Variants in ADAMTSL1 observed in about 807,000 individuals in gnomAD.
ADAMTSL1 encodes the protein ADAMTS-like protein 1.
Under a neutral mutation model 201.8 loss-of-function variants are expected in ADAMTSL1, and 126 were observed. That is an observed-to-expected ratio of 0.62 (90% CI 0.54 to 0.72). ADAMTSL1 has a LOEUF of 0.72. ADAMTSL1 is among the 30% of genes least tolerant of loss of function. The pLI is 0.00. For synonymous variants in ADAMTSL1, 1,121 were observed against 903.4 expected (o/e 1.24, Z -4.32); for missense variants, 2,679 against 2,277.8 (o/e 1.18, Z -3.59).
chr9:18,723,240 T>C, intron 15 of ADAMTSL1: 1 of 636,488 alleles, frequency 1.6e-6, no homozygotes, highest in Non-Finnish European at 2.8e-6. Context: ...GCAGAAGCAT[T>C]AAACAGCTAC....
chr9:18,334,990 G>A (rs558518084), intron 2 of ADAMTSL1, among the ~76,000 whole-genome samples: 202 of 152,080 alleles, frequency 1.3e-3, no homozygotes, highest in African/African-American at 4.8e-3. Context: ...ATATAAACTT[G>A]AAGAATTATT....
In ADAMTSL1 at chr9:18,007,936, G is replaced by A. The variant is rs368235805; in HGVS notation, c.87+101014G>A. Among the ~76,000 whole-genome samples, 6 of 152,070 alleles carry A rather than the reference G, an allele frequency of 3.9e-5. No homozygotes were observed. In the East Asian group the frequency reaches 7.8e-4, roughly 20 times the overall value. On this transcript the variant is annotated intron_variant, in intron 1 of 29. Transcript: ENST00000680146. ...AACTTGCTCTTTCCATAATAATTTG[G>A]CCTCAGACCATCTGACACATAATCT...
chr9:18,691,983 G>A (rs1025400453), intron 13 of ADAMTSL1, among the ~76,000 whole-genome samples: 1 of 152,152 alleles, frequency 6.6e-6, no homozygotes, highest in Admixed American at 6.5e-5. Context: ...AGAAATTGAG[G>A]CAGCTGTTGT....
intron 2 of ADAMTSL1, among the ~76,000 whole-genome samples, chr9:18,339,709 G>A (rs1322727125): frequency 6.6e-6 from 1 of 151,884 alleles, no homozygotes; most frequent in Non-Finnish European, 1.5e-5. Flanking sequence ...CAAAGTGTTG[G>A]GATAACAGGT....
At chr9:18,579,491 A>G (rs895500637) in intron 4 of ADAMTSL1, among the ~76,000 whole-genome samples, 4 of 151,802 alleles carry the variant, frequency 2.6e-5, no homozygotes, top group Non-Finnish European at 5.9e-5. Context: ...AACTTAAAGT[A>G]TAATTAAAAA....
At chr9:18,688,028 T>C (rs190730585) in intron 13 of ADAMTSL1, among the ~76,000 whole-genome samples, 5 of 152,098 alleles carry the variant, frequency 3.3e-5, no homozygotes, top group Admixed American at 1.3e-4. Flanking sequence ...TGATTTTTTT[T>C]CCCTCAACAA....
chr9:18,432,648 T>C (rs1819548067), intron 2 of ADAMTSL1, among the ~76,000 whole-genome samples: 2 of 152,214 alleles, frequency 1.3e-5, no homozygotes, highest in African/African-American at 4.8e-5. Flanking sequence ...ATTCCAGTGG[T>C]TGCTTGCTGA....
At position 18,587,267 on chromosome 9, in the gene ADAMTSL1, A is replaced by G. The variant is rs551118998; in HGVS notation, c.474+13001A>G. ...ACAAGTTTATAAAACAAACCACCCC[A>G]AGAAACCCCATTAAAAAGTGAGTAA... On this transcript the variant is annotated intron_variant, in intron 4 of 28. Transcript: ENST00000380548. Among the ~76,000 whole-genome samples, 5 of 152,228 alleles carry G rather than the reference A, an allele frequency of 3.3e-5. No homozygotes were observed. In the South Asian group the frequency reaches 1.0e-3, roughly 32 times the overall value.
At chr9:18,751,516 A>ATT (rs1430233937) in intron 15 of ADAMTSL1, among the ~76,000 whole-genome samples, 3 of 152,222 alleles carry the variant, frequency 2.0e-5, no homozygotes, top group Non-Finnish European at 2.9e-5. Context: ...ATTAAATGAG[A>ATT]TAATGTGTTA....
At chr9:18,870,078 GT>G (rs1827791418) in intron 23 of ADAMTSL1, among the ~76,000 whole-genome samples, 1 of 151,994 alleles carries the variant, frequency 6.6e-6, no homozygotes, top group Admixed American at 6.6e-5. Context: ...AGCTCTAGAA[GT>G]TTTTATAGTT....
At chr9:17,972,265 A>C (rs1818235997) in intron 1 of ADAMTSL1, among the ~76,000 whole-genome samples, 1 of 133,732 alleles carries the variant, frequency 7.5e-6, no homozygotes. Context: ...TGCATCCATT[A>C]ACTCGTCATT....
intron 4 of ADAMTSL1, among the ~76,000 whole-genome samples, chr9:18,611,353 A>G (rs1023849359): frequency 2.0e-5 from 3 of 152,118 alleles, no homozygotes; most frequent in Non-Finnish European, 4.4e-5. Context: ...CAGGGGAGGG[A>G]GAAGACAGCC....
chr9:18,179,719 T>A (rs1828365870), intron 2 of ADAMTSL1, among the ~76,000 whole-genome samples: 1 of 152,030 alleles, frequency 6.6e-6, no homozygotes, highest in Non-Finnish European at 1.5e-5. Context: ...GGGACCAATA[T>A]TCAACATTCT....
intron 2 of ADAMTSL1, among the ~76,000 whole-genome samples, chr9:18,302,770 A>C (rs1194975486): frequency 6.6e-6 from 1 of 152,142 alleles, no homozygotes; most frequent in Non-Finnish European, 1.5e-5. Context: ...AGGATCTTTT[A>C]AATTTTGTGC....
intron 2 of ADAMTSL1, among the ~76,000 whole-genome samples, chr9:18,265,476 A>G (rs57073071): frequency 0.024 from 3,660 of 152,228 alleles, 156 homozygotes; most frequent in African/African-American, 0.083. Context: ...CTCCCACTAC[A>G]TGAAGCCAGG....
chr9:18,293,232 G>T (rs905442815), intron 2 of ADAMTSL1, among the ~76,000 whole-genome samples: 1 of 152,200 alleles, frequency 6.6e-6, no homozygotes, highest in African/African-American at 2.4e-5. Flanking sequence ...ACATGCAAAT[G>T]CTTGTGTCTT....
intron 23 of ADAMTSL1, among the ~76,000 whole-genome samples, chr9:18,869,361 C>G (rs1339959548): frequency 6.6e-6 from 1 of 152,240 alleles, no homozygotes; most frequent in Non-Finnish European, 1.5e-5. Flanking sequence ...TGCTTTGCAG[C>G]TCACAATGTG....
chr9:18,823,463 T>C (rs1033665844), intron 21 of ADAMTSL1, among the ~76,000 whole-genome samples: 1 of 152,208 alleles, frequency 6.6e-6, no homozygotes, highest in Non-Finnish European at 1.5e-5. Flanking sequence ...TGGAAGAAGC[T>C]TGCAAGCCAT....
At chr9:18,859,911 A>C (rs186240944) in intron 23 of ADAMTSL1, among the ~76,000 whole-genome samples, 16 of 152,206 alleles carry the variant, frequency 1.1e-4, no homozygotes, top group African/African-American at 3.9e-4. Context: ...CATAGTGGTG[A>C]ATCCTGAGAT....
Sources: gnomAD v4.1 joint callset for allele counts (sites outside exome capture counted in the v4.1 genomes callset) on GRCh38, gnomAD v4.1.1 for gene constraint, MANE v1.5 for transcripts, NCBI Gene and HGNC (gene_info 2026-07-23, HGNC 2026-07-21) for gene names.